The following ST6GAL1 variants were observed in gnomAD, a reference collection of about 807,000 sequenced individuals.
ST6GAL1 encodes the protein ST6 beta-galactoside alpha-2,6-sialyltransferase 1.
A neutral mutation model predicts 38.0 loss-of-function variants in ST6GAL1; 20 were observed. The observed-to-expected ratio is 0.53, with a 90% confidence interval of 0.37 to 0.77. The LOEUF is 0.77. Among genes scored for constraint, ST6GAL1 ranks in the 30% least tolerant of loss-of-function variants. The probability of loss-of-function intolerance (pLI) is 0.00; values close to 1 mark genes in which losing one functional copy is unlikely to be tolerated. For synonymous variants in ST6GAL1, 196 were observed against 188.2 expected (o/e 1.04, Z -0.34); for missense variants, 432 against 496.4 (o/e 0.87, Z 1.23).
At chr3:186,985,650 C>T (rs1324239713) in intron 2 of ST6GAL1, among the ~76,000 whole-genome samples, 1 of 151,148 alleles carries the variant, frequency 6.6e-6, no homozygotes, top group Admixed American at 6.6e-5. Flanking sequence ...TGGAGCATGC[C>T]TATAGTCCCA....
intron 2 of ST6GAL1, among the ~76,000 whole-genome samples, chr3:186,999,084 C>T (rs1046081073): frequency 1.3e-5 from 2 of 152,182 alleles, no homozygotes; most frequent in Non-Finnish European, 2.9e-5. Context: ...TATCTTATTT[C>T]CAAACCATTG....
chr3:187,015,457 T>C lies in ST6GAL1; in HGVS notation c.-182-23285T>C, dbSNP rs115620977. 4.0e-3 allele frequency among the ~76,000 whole-genome samples: 609 copies of C among 152,208 alleles called. 3 individuals are homozygous for C. The highest frequency in any genetic ancestry group is 0.014 in the African/African-American group (578 of 41,544). On this transcript the variant is annotated intron_variant, in intron 2 of 7. Transcript: ENST00000169298. ...TGGGACCTTGCACATTCACTGAAAATCACTGAAATTCCAGGGTTAGGTGGG... is the reference window on the plus strand; with the variant it reads ...TGGGACCTTGCACATTCACTGAAAACCACTGAAATTCCAGGGTTAGGTGGG...
At chr3:186,995,129 G>T (rs765416108) in intron 2 of ST6GAL1, among the ~76,000 whole-genome samples, 10 of 152,010 alleles carry the variant, frequency 6.6e-5, no homozygotes, top group Admixed American at 1.3e-4. Context: ...ATATAGATAT[G>T]GGTGTGTATA....
chr3:187,050,859 C>A (rs1718491229), intron 4 of ST6GAL1, among the ~76,000 whole-genome samples: 1 of 152,206 alleles, frequency 6.6e-6, no homozygotes, highest in Non-Finnish European at 1.5e-5. Context: ...ATTTTTCTGA[C>A]AGAGATAGAA....
chr3:186,953,237 G>C (rs1447199355), intron 1 of ST6GAL1, among the ~76,000 whole-genome samples: 2 of 152,154 alleles, frequency 1.3e-5, no homozygotes, highest in African/African-American at 4.8e-5. Flanking sequence ...TCAGAGCTTA[G>C]AAAGGCCTAC....
intron 1 of ST6GAL1, among the ~76,000 whole-genome samples, chr3:186,963,197 A>G (rs1422358324): frequency 6.6e-6 from 1 of 152,214 alleles, no homozygotes; most frequent in East Asian, 1.9e-4. Context: ...AATGCTTCCA[A>G]AATGAATTAG....
intron 5 of ST6GAL1, chr3:187,064,431 T>C: frequency 2.3e-6 from 1 of 441,436 alleles, no homozygotes; most frequent in Non-Finnish European, 4.6e-6. Context: ...ATAGCTCCCG[T>C]GGAATCAGAA....
chr3:186,980,240 G>C (rs1033644514), intron 2 of ST6GAL1, among the ~76,000 whole-genome samples: 2 of 152,148 alleles, frequency 1.3e-5, no homozygotes, highest in Non-Finnish European at 2.9e-5. Context: ...CCCAGCTGGG[G>C]TGGAGCCTGG....
chr3:187,049,314 C>T (rs549077476), intron 4 of ST6GAL1, among the ~76,000 whole-genome samples: 7 of 152,326 alleles, frequency 4.6e-5, no homozygotes, highest in African/African-American at 1.2e-4. Flanking sequence ...GCACCTATTC[C>T]GCCATGTTTC....
At chr3:187,050,167 C>G (rs1211105287) in intron 4 of ST6GAL1, among the ~76,000 whole-genome samples, 1 of 152,142 alleles carries the variant, frequency 6.6e-6, no homozygotes, top group African/African-American at 2.4e-5. Flanking sequence ...GTCAAATGCC[C>G]TCACTTCCCC....
rs1017089430 is a variant in ST6GAL1 at position 187,058,443 on chromosome 3, G to A, written c.705+7097G>A. Among the ~76,000 whole-genome samples the A allele has an allele frequency of 7.9e-5, 12 of 152,204 alleles. No individual in the cohort carries two copies. In the South Asian group the frequency reaches 8.3e-4, roughly 11 times the overall value. On this transcript the variant is annotated intron_variant, in intron 5 of 7. Coordinates refer to ENST00000169298, the MANE Select transcript of ST6GAL1 (RefSeq NM_173216.2). ...ACCATCATAAGAATATTTTTATAAC[G>A]GGATAGAAATTGAGGAACTTAACTT...
intron 1 of ST6GAL1, among the ~76,000 whole-genome samples, chr3:186,949,251 A>G (rs1714492895): frequency 6.6e-6 from 1 of 152,194 alleles, no homozygotes. Flanking sequence ...AATTTGTTCC[A>G]GGTGAGAGAG....
At position 187,042,899 on chromosome 3, in the gene ST6GAL1, A is replaced by G. The variant is rs757051175; in HGVS notation, c.196A>G (p.Ser66Gly). Residue 66 changes from serine (S) to glycine (G), a missense_variant, in exon 4 of 8, where the codon AGC (serine) becomes GGC (glycine). Ser to Gly is a moderately conservative substitution (Grantham distance 56). Coordinates refer to ENST00000169298, the MANE Select transcript of ST6GAL1 (RefSeq NM_173216.2). Reference sequence around the variant, plus strand: ...GTCTGATTCCCAGTCTGTATCCTCAAGCAGCACCCAGGACCCCCACAGGGG... The same window carrying G: ...GTCTGATTCCCAGTCTGTATCCTCAGGCAGCACCCAGGACCCCCACAGGGG... ...MGSDSQSVSS[S>G]STQDPHRGRQ... The G allele has an allele frequency of 5.0e-6, 8 of 1,614,070 alleles. No individual in the cohort carries two copies. The highest frequency in any genetic ancestry group is 6.8e-6 in the Non-Finnish European group (8 of 1,180,022).
At chr3:186,944,533 C>T (rs914870115) in intron 1 of ST6GAL1, among the ~76,000 whole-genome samples, 5 of 152,058 alleles carry the variant, frequency 3.3e-5, no homozygotes, top group South Asian at 4.2e-4. Context: ...TTAATTGGAT[C>T]CCAAAGACAA....
chr3:186,958,389 G>C (rs1202636283), intron 1 of ST6GAL1, among the ~76,000 whole-genome samples: 2 of 152,068 alleles, frequency 1.3e-5, no homozygotes, highest in East Asian at 3.8e-4. Context: ...ATGTGGGACA[G>C]GAGAGGTGGT....
In ST6GAL1 at chr3:187,051,267, T is replaced by C; in HGVS notation, c.626T>C (p.Leu209Pro). The change falls in exon 5 of 8, where the codon CTG (leucine) becomes CCG (proline). Residue 209 changes from leucine to proline, a missense_variant. Transcript: ENST00000169298. ...TTTATAGATGATCATGACGCAGTCC[T>C]GAGGTTTAATGGGGCACCCACAGCC... ...GREIDDHDAVLRFNGAPTANF... is the reference protein window; with the variant it reads ...GREIDDHDAVPRFNGAPTANF... The C allele has an allele frequency of 6.2e-7, 1 of 1,614,094 alleles. No homozygotes were observed. Among genetic ancestry groups the C allele is most frequent in the South Asian group, 1.1e-5 (1 of 91,070 alleles).
At chr3:187,071,672 A>G (rs1234332554) in intron 5 of ST6GAL1, among the ~76,000 whole-genome samples, 4 of 150,550 alleles carry the variant, frequency 2.7e-5, no homozygotes, top group Non-Finnish European at 5.9e-5. Context: ...AGGCAGGAGA[A>G]TGGCGTGAAC....
At chr3:186,965,633 C>T (rs767147963) in intron 2 of ST6GAL1, among the ~76,000 whole-genome samples, 16 of 152,142 alleles carry the variant, frequency 1.1e-4, no homozygotes, top group African/African-American at 3.4e-4. Context: ...GTGACTGAGG[C>T]GAAAGTACGT....
chr3:187,069,263 T>C (rs1719280629), intron 5 of ST6GAL1, among the ~76,000 whole-genome samples: 1 of 152,198 alleles, frequency 6.6e-6, no homozygotes, highest in Admixed American at 6.5e-5. Context: ...GCCTTCCAAG[T>C]AGCTGGGATT....
Sources: gnomAD v4.1 joint callset for allele counts (sites outside exome capture counted in the v4.1 genomes callset) on GRCh38, gnomAD v4.1.1 for gene constraint, MANE v1.5 for transcripts, NCBI Gene and HGNC (gene_info 2026-07-23, HGNC 2026-07-21) for gene names.